Variants in CLHC1 observed in about 807,000 individuals in gnomAD.
CLHC1 encodes clathrin heavy chain linker domain containing 1, also known as clathrin heavy chain linker domain-containing protein 1.
A neutral mutation model predicts 69.5 loss-of-function variants in CLHC1; 72 were observed. The observed-to-expected ratio is 1.04, with a 90% confidence interval of 0.86 to 1.26. CLHC1 has a LOEUF of 1.26. Among genes scored for constraint, CLHC1 ranks in the 50% most tolerant of loss-of-function variants. The probability of loss-of-function intolerance (pLI) is 0.00; values close to 1 mark genes in which losing one functional copy is unlikely to be tolerated. For missense variants in CLHC1, 790 were observed against 679.3 expected (o/e 1.16, Z -1.81); for synonymous variants, 223 against 224.3 (o/e 0.99, Z 0.05).
At chr2:55,196,146 C>T (rs1275995282) in intron 9 of CLHC1, among the ~76,000 whole-genome samples, 1 of 152,170 alleles carries the variant, frequency 6.6e-6, no homozygotes, top group Non-Finnish European at 1.5e-5. Context: ...TAGACCAGCC[C>T]TAGCCAGAAG....
intron 11 of CLHC1, 44 bp downstream of exon 11, chr2:55,180,466 G>C: frequency 1.4e-6 from 2 of 1,415,654 alleles, no homozygotes; most frequent in Non-Finnish European, 2.0e-6. Context: ...TACAATTAAA[G>C]CCCAGAATTC....
chr2:55,175,844 T>G lies in CLHC1; in HGVS notation c.1707A>C (p.Thr569=), dbSNP rs758820212. 6.2e-7 allele frequency: 1 copy of G among 1,614,048 alleles called. No homozygotes were observed. Among genetic ancestry groups the G allele is most frequent in the South Asian group, 1.1e-5 (1 of 91,078 alleles). ...TSILRSQAAV[T]EISEEDDAVN... Reference sequence around the variant, plus strand: ...CTGCGTCATCCTCTTCAGAAATTTCTGTAACTGCAGCCTGAGATCGAAGAA... The same window carrying G: ...CTGCGTCATCCTCTTCAGAAATTTCGGTAACTGCAGCCTGAGATCGAAGAA... Residue 569 remains threonine, a synonymous_variant, in exon 13 of 13, where the codon ACA becomes ACC. Coordinates refer to ENST00000401408, the MANE Select transcript of CLHC1 (RefSeq NM_152385.4).
At chr2:55,211,150 T>C (rs926202560) in intron 5 of CLHC1, among the ~76,000 whole-genome samples, 2 of 152,172 alleles carry the variant, frequency 1.3e-5, no homozygotes, top group East Asian at 1.9e-4. Flanking sequence ...TTGTCAGTTA[T>C]ACTGTACTTA....
Position 55,175,617 on chromosome 2 carries a change from T to A in CLHC1, c.*173A>T, listed in dbSNP as rs1302181427. ...TGACCATATGGGGAAAAGGAAGCAA[T>A]AGTATAAATATTTCAAAGACAAATC... On this transcript the variant is annotated 3_prime_UTR_variant, in exon 13 of 13. Coordinates refer to ENST00000401408, the MANE Select transcript of CLHC1 (RefSeq NM_152385.4). 1 of 542,848 alleles carries A rather than the reference T, an allele frequency of 1.8e-6. No individual in the cohort carries two copies. Among genetic ancestry groups the A allele is most frequent in the Non-Finnish European group, 3.3e-6 (1 of 307,110 alleles). 33.6% of individuals were successfully genotyped at this position (542,848 alleles called of 1,614,324 possible).
intron 3 of CLHC1, among the ~76,000 whole-genome samples, chr2:55,220,518 C>G (rs1674007421): frequency 6.6e-6 from 1 of 152,072 alleles, no homozygotes; most frequent in Admixed American, 6.5e-5. Flanking sequence ...ATAGTACAAA[C>G]AGAAATCTTT....
intron 11 of CLHC1, among the ~76,000 whole-genome samples, chr2:55,180,080 G>A (rs1270108453): frequency 6.6e-6 from 1 of 152,020 alleles, no homozygotes; most frequent in Non-Finnish European, 1.5e-5. Context: ...TGTGAACCCA[G>A]GAGGCAGAGC....
At chr2:55,208,435 C>T (rs574905805) in intron 8 of CLHC1, among the ~76,000 whole-genome samples, 191 bp downstream of exon 8, 168 of 152,212 alleles carry the variant, frequency 1.1e-3, no homozygotes, top group African/African-American at 4.0e-3. Flanking sequence ...CAAAATTTTT[C>T]GGATTTTGGA....
intron 3 of CLHC1, among the ~76,000 whole-genome samples, chr2:55,219,304 G>C (rs1027959825): frequency 4.6e-5 from 7 of 152,268 alleles, no homozygotes; most frequent in Admixed American, 3.9e-4. Context: ...GATTTCAGAA[G>C]AGCACTCATG....
Position 55,222,296 on chromosome 2 carries a change from C to T in CLHC1, c.116G>A (p.Gly39Asp). ...RYIITETERLGCSEEGPADEY... is the reference protein window; with the variant it reads ...RYIITETERLDCSEEGPADEY... ...ATCAGCAGGTCCTTCCTCACTACAGCCCAGTCTTTCAGTTTCTGTAATTAT... is the reference window on the plus strand; with the variant it reads ...ATCAGCAGGTCCTTCCTCACTACAGTCCAGTCTTTCAGTTTCTGTAATTAT... Residue 39 changes from glycine to aspartate, a missense_variant, in exon 3 of 13, where the codon GGC (glycine) becomes GAC (aspartate). Coordinates refer to ENST00000401408, the MANE Select transcript of CLHC1 (RefSeq NM_152385.4). 6.2e-7 allele frequency: 1 copy of T among 1,613,682 alleles called. No homozygotes were observed. Among genetic ancestry groups the T allele is most frequent in the Non-Finnish European group, 8.5e-7 (1 of 1,179,684 alleles).
Position 55,175,759 on chromosome 2 carries a change from A to G in CLHC1, c.*31T>C, listed in dbSNP as rs779268548. On this transcript the variant is annotated 3_prime_UTR_variant, in exon 13 of 13. Coordinates refer to ENST00000401408, the MANE Select transcript of CLHC1 (RefSeq NM_152385.4). ...CCAACCAGCATACATAAGGTGTTGT[A>G]CAAGCTCCCTCAGCTGGTTAAGATA... 3.8e-6 allele frequency: 6 copies of G among 1,562,302 alleles called. No individual in the cohort carries two copies. The highest frequency in any genetic ancestry group is 4.4e-6 in the Non-Finnish European group (5 of 1,136,614).
intron 5 of CLHC1, among the ~76,000 whole-genome samples, chr2:55,210,950 T>C (rs1672937248): frequency 6.6e-6 from 1 of 152,102 alleles, no homozygotes; most frequent in South Asian, 2.1e-4. Flanking sequence ...CACTTCAGCA[T>C]TCCAAAGTGC....
At chr2:55,188,320 A>G (rs926462908) in intron 9 of CLHC1, among the ~76,000 whole-genome samples, 5 of 152,154 alleles carry the variant, frequency 3.3e-5, no homozygotes, top group Non-Finnish European at 5.9e-5. Flanking sequence ...TGTCTTAACA[A>G]AAGGGTATAT....
At chr2:55,195,358 G>T (rs1325901605) in intron 9 of CLHC1, among the ~76,000 whole-genome samples, 2 of 152,094 alleles carry the variant, frequency 1.3e-5, no homozygotes, top group Non-Finnish European at 2.9e-5. Flanking sequence ...TGTATCTGAT[G>T]AAAGAAATTA....
Position 55,230,649 on chromosome 2 carries a change from C to T in CLHC1, c.-256+1574G>A, listed in dbSNP as rs1054473891. On this transcript the variant is annotated intron_variant, in intron 1 of 12. Transcript: ENST00000401408. The stretch of plus-strand genomic sequence containing the variant: ...AGATCAAGAGGAAGCAGCAAATGAG[C>T]CTGGAAAAGAGCCTCCAGGGTGGCA... Among the ~76,000 whole-genome samples the T allele has an allele frequency of 5.3e-5, 8 of 152,076 alleles. No homozygotes were observed. The South Asian group carries it at 1.0e-3, about 20-fold the overall frequency.
intron 12 of CLHC1, among the ~76,000 whole-genome samples, chr2:55,176,383 C>T (rs1483987202): frequency 6.6e-6 from 1 of 152,146 alleles, no homozygotes; most frequent in African/African-American, 2.4e-5. Context: ...AACTGTAAAC[C>T]TATAGGTCAA....
At chr2:55,200,177 G>C (rs1240469067) in intron 9 of CLHC1, among the ~76,000 whole-genome samples, 1 of 135,570 alleles carries the variant, frequency 7.4e-6, no homozygotes, top group African/African-American at 2.8e-5. Context: ...GCAGTGTGCT[G>C]TGTTCATACC....
chr2:55,218,169 A>C, intron 3 of CLHC1, 171 bp from the exon 4 acceptor site: 1 of 431,200 alleles, frequency 2.3e-6, no homozygotes, highest in South Asian at 5.8e-5. Flanking sequence ...GGCAATATTT[A>C]CTAAACATGT....
rs538174555 is a variant in CLHC1 at position 55,195,751 on chromosome 2, G to A, written c.1006+10519C>T. 1.6e-4 allele frequency among the ~76,000 whole-genome samples: 25 copies of A among 152,196 alleles called. No homozygotes were observed. In the East Asian group the frequency reaches 2.1e-3, roughly 13 times the overall value. The stretch of plus-strand genomic sequence containing the variant: ...CAGGAGGCGGAGGATGCAGTGAGCC[G>A]TTGCACCACTGCACTCCAGCCTGGG... On this transcript the variant is annotated intron_variant, in intron 9 of 12. Coordinates refer to ENST00000401408, the MANE Select transcript of CLHC1 (RefSeq NM_152385.4).
chr2:55,206,177 T>C (rs1672421558), intron 9 of CLHC1, 93 bp downstream of exon 9: 5 of 712,664 alleles, frequency 7.0e-6, no homozygotes, highest in Admixed American at 2.6e-5. Flanking sequence ...GGGGCCTAGA[T>C]CTTTAGTCTC....
Sources: gnomAD v4.1 joint callset for allele counts (sites outside exome capture counted in the v4.1 genomes callset) on GRCh38, gnomAD v4.1.1 for gene constraint, MANE v1.5 for transcripts, NCBI Gene and HGNC (gene_info 2026-07-23, HGNC 2026-07-21) for gene names.